Variants in TMPRSS9 observed in about 807,000 individuals in gnomAD.
TMPRSS9 encodes the protein transmembrane serine protease 9.
TMPRSS9 carries 113 observed loss-of-function variants against 111.4 expected under a neutral mutation model. That is an observed-to-expected ratio of 1.01 (90% CI 0.87 to 1.19). The LOEUF is 1.19. Among genes scored for constraint, TMPRSS9 ranks in the 50% most tolerant of loss-of-function variants. The pLI, the probability that TMPRSS9 is intolerant of heterozygous loss-of-function variation, is 0.00. For missense variants in TMPRSS9, 1,803 were observed against 1,513.1 expected (o/e 1.19, Z -3.18); for synonymous variants, 805 against 659.1 (o/e 1.22, Z -3.39).
At chr19:2,417,112 T>C (rs1334746944) in intron 12 of TMPRSS9, among the ~76,000 whole-genome samples, 1 of 152,196 alleles carries the variant, frequency 6.6e-6, no homozygotes, top group Non-Finnish European at 1.5e-5. Flanking sequence ...AGTTAAATAC[T>C]TGTGACAGAG....
At chr19:2,361,597 G>T (rs1386295911) in intron 1 of TMPRSS9, among the ~76,000 whole-genome samples, 1 of 152,144 alleles carries the variant, frequency 6.6e-6, no homozygotes, top group Non-Finnish European at 1.5e-5. Context: ...CCAGGCTGGG[G>T]ACCGTGGCGT....
rs150970765 is a variant in TMPRSS9 at position 2,413,800 on chromosome 19, C to T, written c.1355C>T (p.Pro452Leu). 411 of 1,613,884 alleles carry T rather than the reference C, an allele frequency of 2.5e-4. 1 individual carries two copies. Among genetic ancestry groups the T allele is most frequent in the Non-Finnish European group, 3.4e-4 (401 of 1,180,032 alleles). Residue 452 changes from proline (P) to leucine (L), a missense_variant, in exon 10 of 18, where the codon CCA becomes CTA. By Grantham distance (98) the Pro-to-Leu change is moderately conservative. Transcript: ENST00000648592. ...ATCGGGTGTGCGGAAGCCCGGCGTC[C>T]AGGGGTCTATGCCCGAGTCACCAGG...
At chr19:2,381,843 C>CATTT (rs80011170) in intron 1 of TMPRSS9, among the ~76,000 whole-genome samples, 3 of 151,580 alleles carry the variant, frequency 2.0e-5, no homozygotes, top group South Asian at 4.1e-4. Flanking sequence ...TTCATTCATT[C>CATTT]ATTCATTCAT....
At chr19:2,419,655 T>C (rs1568191250) in intron 13 of TMPRSS9, among the ~76,000 whole-genome samples, 1 of 152,052 alleles carries the variant, frequency 6.6e-6, no homozygotes, top group Non-Finnish European at 1.5e-5. Flanking sequence ...TAGCTGGGAC[T>C]ACAGGCATGT....
chr19:2,425,504 C>T lies in TMPRSS9; in HGVS notation c.3120+11C>T, dbSNP rs771348048. On this transcript the variant is annotated intron_variant, in intron 17 of 17. Transcript: ENST00000648592. ...GTGGACAGCTGCTCGGTGAGCCCCG[C>T]CCCGGCCCAGGGGACCAGGTCCCGC... is the stretch of plus-strand genomic sequence containing the variant. 2 of 1,561,724 alleles carry T rather than the reference C, an allele frequency of 1.3e-6. No individual in the cohort carries two copies. Among genetic ancestry groups the T allele is most frequent in the Non-Finnish European group, 1.7e-6 (2 of 1,161,658 alleles).
exon 7 of TMPRSS9, chr19:2,405,532 CACTGCT>C (rs1402629317): frequency 6.3e-7 from 1 of 1,581,568 alleles, no homozygotes; most frequent in Non-Finnish European, 8.6e-7. Flanking sequence ...GTCTGCTGCT[CACTGCT>C]TCAATGAGTA....
In TMPRSS9 at chr19:2,415,582, T is replaced by G. The variant is rs1202491805; in HGVS notation, c.1574-88T>G. ...GATTGCGGCATCTTCAGGGCCTGGC[T>G]GCAACCGGTGTCCTGGGACCACCCC... On this transcript the variant is annotated intron_variant, in intron 10 of 17. Coordinates refer to ENST00000648592, the Ensembl canonical transcript of TMPRSS9. 2.7e-4 allele frequency: 347 copies of G among 1,272,258 alleles called. 3 individuals carry two copies. The highest frequency in any genetic ancestry group is 6.3e-6 in the Non-Finnish European group (6 of 953,386). 78.8% of individuals were successfully genotyped at this position (1,272,258 alleles called of 1,614,324 possible).
intron 13 of TMPRSS9, among the ~76,000 whole-genome samples, chr19:2,419,455 G>C (rs181333607): frequency 4.0e-5 from 6 of 151,018 alleles, no homozygotes; most frequent in Admixed American, 4.0e-4. Flanking sequence ...GCCCACCTGG[G>C]CCTCCCAAAG....
At chr19:2,421,969 G>T in exon 14 of TMPRSS9, 1 of 1,613,192 alleles carries the variant, frequency 6.2e-7, no homozygotes, top group South Asian at 1.1e-5. Context: ...GTGTACACGC[G>T]CATCACCAGG....
At chr19:2,392,363 A>G (rs565090736) in intron 1 of TMPRSS9, among the ~76,000 whole-genome samples, 1 of 151,484 alleles carries the variant, frequency 6.6e-6, no homozygotes, top group South Asian at 2.1e-4. Context: ...ACTGCACTCC[A>G]GCTTGGGAGA....
intron 13 of TMPRSS9, among the ~76,000 whole-genome samples, chr19:2,420,427 G>A (rs978590686): frequency 2.3e-4 from 32 of 136,338 alleles, no homozygotes; most frequent in African/African-American, 8.8e-4. Flanking sequence ...GGGCAACAGA[G>A]TGAGACTCCA....
intron 11 of TMPRSS9, among the ~76,000 whole-genome samples, 166 bp downstream of exon 12, chr19:2,416,007 A>G (rs1361438355): frequency 6.6e-6 from 1 of 152,148 alleles, no homozygotes; most frequent in Non-Finnish European, 1.5e-5. Flanking sequence ...CAAGGCTTCT[A>G]AGGACAAACA....
chr19:2,425,625 C>G (rs1971603579), intron 17 of TMPRSS9, 132 bp downstream of exon 18: 1 of 1,372,280 alleles, frequency 7.3e-7, no homozygotes, highest in African/African-American at 1.5e-5. Context: ...AAGCAGGGAG[C>G]CTTTTTGGCT....
chr19:2,410,523 C>G (rs1971073819), intron 9 of TMPRSS9, 129 bp downstream of exon 10: 2 of 1,292,212 alleles, frequency 1.5e-6, no homozygotes, highest in South Asian at 2.9e-5. Flanking sequence ...CAGAAAAACA[C>G]AGACACGAGC....
At chr19:2,405,652 A>AT in intron 7 of TMPRSS9, 107 bp downstream of exon 8, 1 of 1,193,762 alleles carries the variant, frequency 8.4e-7, no homozygotes, top group Admixed American at 3.3e-5. Flanking sequence ...CCTGGAAGTA[A>AT]TTTTTTCTTT....
upstream of TMPRSS9, among the ~76,000 whole-genome samples, chr19:2,386,533 T>C (rs1430136557): frequency 6.6e-6 from 1 of 150,736 alleles, no homozygotes; most frequent in Non-Finnish European, 1.5e-5. Context: ...AAAACAAAGA[T>C]AGGATTACAG....
At chr19:2,420,779 C>T (rs1468909179) in intron 13 of TMPRSS9, among the ~76,000 whole-genome samples, 1 of 152,086 alleles carries the variant, frequency 6.6e-6, no homozygotes, top group Non-Finnish European at 1.5e-5. Context: ...TCTTTTCTTC[C>T]TATATATTCA....
chr19:2,415,280 G>A (rs2145375549), intron 10 of TMPRSS9, among the ~76,000 whole-genome samples: 1 of 152,114 alleles, frequency 6.6e-6, no homozygotes, highest in Non-Finnish European at 1.5e-5. Context: ...CCCACACTCT[G>A]TTCCGAAACC....
At chr19:2,413,337 T>C (rs1053635053) in intron 9 of TMPRSS9, among the ~76,000 whole-genome samples, 1 of 152,056 alleles carries the variant, frequency 6.6e-6, no homozygotes, top group African/African-American at 2.4e-5. Flanking sequence ...CAGTGAGATA[T>C]ATGGAGGCAC....
Sources: allele counts gnomAD v4.1 joint callset (sites outside exome capture counted in the v4.1 genomes callset), GRCh38; gene constraint gnomAD v4.1.1; transcripts MANE v1.5; gene names NCBI Gene and HGNC (gene_info 2026-07-23, HGNC 2026-07-21).